ZNF407: variants seen among roughly 807,000 people sequenced by gnomAD.
ZNF407 encodes zinc finger protein 407.
Under a neutral mutation model 131.2 loss-of-function variants are expected in ZNF407, and 17 were observed. That is an observed-to-expected ratio of 0.13 (90% CI 0.09 to 0.19). ZNF407 has a LOEUF of 0.19. Among genes scored for constraint, ZNF407 ranks in the 10% least tolerant of loss-of-function variants. ZNF407 has a pLI of 1.00. For missense variants in ZNF407, 2,681 were observed against 2,830.6 expected (o/e 0.95, Z 1.20); for synonymous variants, 1,156 against 1,062.0 (o/e 1.09, Z -1.72).
intron 3 of ZNF407, among the ~76,000 whole-genome samples, chr18:74,719,778 T>C (rs1967984008): frequency 6.6e-6 from 1 of 152,138 alleles, no homozygotes. Flanking sequence ...TGTTTCTGGC[T>C]TATTTCACTT....
At chr18:74,953,191 G>C (rs1467770154) in intron 8 of ZNF407, among the ~76,000 whole-genome samples, 2 of 152,138 alleles carry the variant, frequency 1.3e-5, no homozygotes, top group Non-Finnish European at 2.9e-5. Context: ...GAGGGTAGTG[G>C]AGGTGATGAA....
chr18:75,003,171 A>G (rs1972868052), intron 8 of ZNF407, among the ~76,000 whole-genome samples: 1 of 152,238 alleles, frequency 6.6e-6, no homozygotes, highest in Non-Finnish European at 1.5e-5. Context: ...TCGAAAACCT[A>G]AAGAGAGCTT....
chr18:74,940,776 G>A (rs552443507), intron 8 of ZNF407, among the ~76,000 whole-genome samples: 11 of 152,244 alleles, frequency 7.2e-5, no homozygotes, highest in Non-Finnish European at 1.2e-4. Context: ...TTGGTGAAGC[G>A]TCGCTCCCTC....
rs747609073 is a variant in ZNF407, at chr18:74,632,644, A to T, written c.1625A>T (p.Asp542Val). 2 of 1,614,042 alleles carry T rather than the reference A, an allele frequency of 1.2e-6. No individual in the cohort carries two copies. The highest frequency in any genetic ancestry group is 1.7e-6 in the Non-Finnish European group (2 of 1,179,892). ...DCGQVATNRT[D>V]LEIHVKRCHA... ...GGGCAAGTAGCTACAAATAGGACAG[A>T]TTTGGAAATCCATGTGAAAAGGTGC... is the stretch of plus-strand genomic sequence containing the variant. The change falls in exon 2 of 9, where the codon GAT (aspartate) becomes GTT (valine). Residue 542 changes from aspartate to valine, a missense_variant. Physicochemically the swap from Asp to Val is radical, Grantham distance 152. Around this residue, in one of 6 missense-constraint regions of ZNF407, gnomAD observed 1,789 missense variants for 1,748.7 expected, o/e 1.02. Coordinates refer to ENST00000299687, the MANE Select transcript of ZNF407 (RefSeq NM_017757.3).
intron 6 of ZNF407, among the ~76,000 whole-genome samples, chr18:74,883,940 T>C (rs1339877519): frequency 1.3e-5 from 2 of 152,218 alleles, no homozygotes; most frequent in Non-Finnish European, 2.9e-5. Context: ...CTTGTTCTGC[T>C]TGTTTGAAAA....
intron 8 of ZNF407, among the ~76,000 whole-genome samples, chr18:75,020,100 C>T (rs546765256): frequency 5.9e-5 from 9 of 152,208 alleles, no homozygotes; most frequent in East Asian, 1.9e-4. Context: ...TATTTTACTT[C>T]GTAATAGCCC....
chr18:74,624,126 T>A (rs1368992710), intron 1 of ZNF407, among the ~76,000 whole-genome samples: 2 of 152,198 alleles, frequency 1.3e-5, no homozygotes, highest in Non-Finnish European at 2.9e-5. Flanking sequence ...CACGCCTTCC[T>A]CTGAGAGCTG....
chr18:74,689,318 T>C (rs563246583), intron 3 of ZNF407, among the ~76,000 whole-genome samples: 2 of 152,368 alleles, frequency 1.3e-5, no homozygotes, highest in Admixed American at 1.3e-4. Flanking sequence ...ATACATGTCA[T>C]GTGACCTTGT....
intron 8 of ZNF407, among the ~76,000 whole-genome samples, chr18:74,990,640 C>A (rs1217948696): frequency 6.6e-6 from 1 of 152,150 alleles, no homozygotes; most frequent in Admixed American, 6.5e-5. Context: ...CTTATTTTTG[C>A]AGAAGTGATT....
rs1969966141 is a variant in ZNF407 at position 74,798,662 on chromosome 18, TTTA to T, written c.4877+17164_4877+17166del. On this transcript the variant is annotated intron_variant, in intron 4 of 8. Transcript: ENST00000299687. ...TTTTCTTTCAGTTTTGTTTTAGGGATTTATTAATTTATGACAAACTTTAGTGAT... is the reference window on the plus strand; with the variant it reads ...TTTTCTTTCAGTTTTGTTTTAGGGATTTAATTTATGACAAACTTTAGTGAT... 2.0e-5 allele frequency among the ~76,000 whole-genome samples: 3 copies of T among 152,142 alleles called. No individual in the cohort carries two copies. In the South Asian group the frequency reaches 6.2e-4, roughly 31 times the overall value.
chr18:74,920,007 T>C (rs936009124), intron 7 of ZNF407, among the ~76,000 whole-genome samples: 2 of 152,186 alleles, frequency 1.3e-5, no homozygotes, highest in African/African-American at 4.8e-5. Flanking sequence ...GTTGCCCAAA[T>C]ACTGGAGTTG....
chr18:74,907,121 C>T (rs1188129589), intron 7 of ZNF407, among the ~76,000 whole-genome samples: 2 of 152,032 alleles, frequency 1.3e-5, no homozygotes, highest in African/African-American at 4.8e-5. Flanking sequence ...AATAATGTAT[C>T]CTATTAGTCT....
intron 4 of ZNF407, among the ~76,000 whole-genome samples, chr18:74,785,884 G>T (rs28698136): frequency 2.9e-5 from 3 of 102,330 alleles, no homozygotes; most frequent in African/African-American, 9.2e-5. Context: ...CACATGGCAC[G>T]CACATGGCAC....
At chr18:74,734,217 G>A (rs1275665883) in intron 3 of ZNF407, among the ~76,000 whole-genome samples, 1 of 152,100 alleles carries the variant, frequency 6.6e-6, no homozygotes, top group Non-Finnish European at 1.5e-5. Context: ...TTGAGACTTG[G>A]TTGCTCTTTT....
intron 4 of ZNF407, among the ~76,000 whole-genome samples, chr18:74,781,781 C>G (rs1599148805): frequency 6.6e-6 from 1 of 152,180 alleles, no homozygotes; most frequent in East Asian, 1.9e-4. Context: ...GAGGGAATTA[C>G]CTTCTGAAAA....
intron 3 of ZNF407, among the ~76,000 whole-genome samples, chr18:74,745,019 G>C (rs1381674015): frequency 6.6e-6 from 1 of 151,972 alleles, no homozygotes; most frequent in East Asian, 1.9e-4. Flanking sequence ...ATTTCTTAGA[G>C]AATAGGCAAT....
chr18:74,915,114 T>A (rs1204430104), intron 7 of ZNF407, among the ~76,000 whole-genome samples: 1 of 152,208 alleles, frequency 6.6e-6, no homozygotes, highest in African/African-American at 2.4e-5. Flanking sequence ...GTGACAGATA[T>A]AAGCTTCTTG....
At chr18:74,964,580 G>GTTTTTT (rs35373107) in intron 8 of ZNF407, among the ~76,000 whole-genome samples, 2 of 118,608 alleles carry the variant, frequency 1.7e-5, no homozygotes, top group Admixed American at 9.0e-5. Flanking sequence ...TATCATCCGG[G>GTTTTTT]TTTTTTTTTT....
At chr18:74,823,172 G>C (rs1226815887) in intron 4 of ZNF407, among the ~76,000 whole-genome samples, 1 of 152,042 alleles carries the variant, frequency 6.6e-6, no homozygotes, top group Non-Finnish European at 1.5e-5. Context: ...AGAGATTTTT[G>C]TCACCACCAG....
Sources: gnomAD v4.1 joint callset for allele counts (sites outside exome capture counted in the v4.1 genomes callset) on GRCh38, gnomAD v4.1.1 for gene constraint, gnomAD v4.1.1 regional missense constraint, MANE v1.5 for transcripts, NCBI Gene and HGNC (gene_info 2026-07-23, HGNC 2026-07-21) for gene names.